The following GAS6 variants were observed in gnomAD, a reference collection of about 807,000 sequenced individuals.
GAS6 encodes the protein growth arrest specific 6.
GAS6 carries 41 observed loss-of-function variants against 75.8 expected under a neutral mutation model. The observed-to-expected ratio is 0.54, with a 90% confidence interval of 0.42 to 0.70. The LOEUF is 0.70. Among genes scored for constraint, GAS6 ranks in the 30% least tolerant of loss-of-function variants. GAS6 has a pLI of 0.00. For missense variants in GAS6, 854 were observed against 940.2 expected, an observed-to-expected ratio of 0.91 and a Z score of 1.20; for synonymous variants, 432 against 412.6, an observed-to-expected ratio of 1.05 and a Z score of -0.57.
At chr13:113,847,316 G>A (rs2051842161) in intron 3 of GAS6, among the ~76,000 whole-genome samples, 1 of 152,260 alleles carries the variant, frequency 6.6e-6, no homozygotes, top group African/African-American at 2.4e-5. Flanking sequence ...TCCAGATATG[G>A]ACCCAGGGAA....
At chr13:113,835,052 G>A (rs1187640970) in intron 7 of GAS6, among the ~76,000 whole-genome samples, 1 of 152,246 alleles carries the variant, frequency 6.6e-6, no homozygotes, top group Non-Finnish European at 1.5e-5. Flanking sequence ...ATGGAGGTCA[G>A]TGCAGGCAGC....
chr13:113,827,087 C>T lies in GAS6; in HGVS notation c.1386G>A (p.Val462=), dbSNP rs1340217747. Residue 462 remains valine (V), a synonymous_variant, in exon 12 of 15, where the codon GTG becomes GTA. Coordinates refer to ENST00000327773, the MANE Select transcript of GAS6 (RefSeq NM_000820.4). ...NGEDTTIQET[V]KVNTRMQCFS... is the part of the protein sequence containing the mutation. The stretch of plus-strand genomic sequence containing the variant: ...AGCACTGCATCCTCGTGTTCACTTT[C>T]ACCGTTTCCTGGATGGTGGTGTCTT... The T allele has an allele frequency of 1.9e-6, 3 of 1,613,536 alleles. No homozygotes were observed. Among genetic ancestry groups the T allele is most frequent in the Non-Finnish European group, 2.5e-6 (3 of 1,179,984 alleles).
intron 2 of GAS6, among the ~76,000 whole-genome samples, chr13:113,858,878 T>A (rs776683576): frequency 2.7e-5 from 4 of 149,392 alleles, no homozygotes; most frequent in Non-Finnish European, 5.9e-5. Flanking sequence ...TGTACATGAC[T>A]ATGTAAGTCT....
intron 8 of GAS6, chr13:113,833,240 G>A: frequency 1.9e-6 from 2 of 1,058,632 alleles, no homozygotes; most frequent in Non-Finnish European, 2.3e-6. Context: ...AGCCAGGCCT[G>A]CCCTGCCCAC....
chr13:113,826,389 TCGCAGGCACC>T (rs2051539377), intron 12 of GAS6, among the ~76,000 whole-genome samples: 8 of 147,746 alleles, frequency 5.4e-5, no homozygotes, highest in Admixed American at 2.7e-4. Flanking sequence ...CTCCCCGGCC[TCGCAGGCACC>T]TTCTCTCCCC....
intron 12 of GAS6, among the ~76,000 whole-genome samples, chr13:113,824,941 G>A (rs2051515324): frequency 1.3e-5 from 2 of 152,196 alleles, no homozygotes; most frequent in Non-Finnish European, 1.5e-5. Context: ...GCTCCCAGTC[G>A]GGCGTGGTGG....
At position 113,838,135 on chromosome 13, in the gene GAS6, G is replaced by C. The variant is rs1200610275; in HGVS notation, c.523C>G (p.Pro175Ala). 2 of 1,612,886 alleles carry C rather than the reference G, an allele frequency of 1.2e-6. No individual in the cohort carries two copies. Among genetic ancestry groups the C allele is most frequent in the South Asian group, 2.2e-5 (2 of 91,090 alleles). ...GGCLQICHNK[P>A]GSFHCSCHSG... is the part of the protein sequence containing the mutation. ...TGGCAGGAACAGTGGAAGCTACCCG[G>C]CTTGTTGTGGCAGATCTGGAGGCAG... is the stretch of plus-strand genomic sequence containing the variant. Residue 175 changes from proline to alanine, a missense_variant, in exon 6 of 15, where the codon CCG becomes GCG. Transcript: ENST00000327773.
In GAS6 at chr13:113,820,942, C is replaced by G. The variant is rs1428910638; in HGVS notation, c.1959G>C (p.Leu653=). ...CMTLEVNRRL[L]DLDEAAYKHS... The stretch of plus-strand genomic sequence containing the variant: ...GCTTGTACGCCGCCTCGTCCAGGTC[C>G]AGCAGCCTCCGGTTGACCTCCAGTG... Residue 653 remains leucine (L), a synonymous_variant, in exon 15 of 15, where the codon CTG becomes CTC. Transcript: ENST00000327773. 2 of 1,612,692 alleles carry G rather than the reference C, an allele frequency of 1.2e-6. No individual in the cohort carries two copies. Among genetic ancestry groups the G allele is most frequent in the South Asian group, 2.2e-5 (2 of 91,080 alleles).
intron 2 of GAS6, among the ~76,000 whole-genome samples, chr13:113,861,818 GGTT>G (rs1383425201): frequency 1.4e-4 from 21 of 152,296 alleles, no homozygotes; most frequent in Admixed American, 1.4e-3. Flanking sequence ...AGGGAAAGCG[GGTT>G]GTTATCATTT....
Position 113,843,108 on chromosome 13 carries a change from C to A in GAS6, c.344-3258G>T, listed in dbSNP as rs143235270. 5 of 356,638 alleles carry A rather than the reference C, an allele frequency of 1.4e-5. 1 individual carries two copies. The highest frequency in any genetic ancestry group is 1.1e-4 in the African/African-American group (5 of 45,862). The allele number at this position is 356,638 out of a possible 1,614,324, so 22.1% of individuals were successfully genotyped here. A position where few individuals can be genotyped will look rare whatever the true frequency, so the allele number is the denominator to read the frequency against. ...AATTTCCTCCACACAACAGGGAAAG[C>A]GATGGAGACAGAAACCTCTGCAGGC... On this transcript the variant is annotated intron_variant, in intron 4 of 14. Transcript: ENST00000327773.
At chr13:113,859,543 T>C (rs2051953748) in intron 2 of GAS6, among the ~76,000 whole-genome samples, 1 of 151,978 alleles carries the variant, frequency 6.6e-6, no homozygotes, top group Non-Finnish European at 1.5e-5. Flanking sequence ...TGTCTGTCAG[T>C]GTGTGTGTGT....
At chr13:113,851,256 T>C (rs1462963156) in intron 2 of GAS6, among the ~76,000 whole-genome samples, 3 of 149,664 alleles carry the variant, frequency 2.0e-5, no homozygotes, top group Non-Finnish European at 3.0e-5. Context: ...AATGAGTGAA[T>C]AGATGGATGA....
chr13:113,861,788 T>C (rs1453622846), intron 2 of GAS6, among the ~76,000 whole-genome samples: 2 of 152,270 alleles, frequency 1.3e-5, no homozygotes, highest in African/African-American at 4.8e-5. Flanking sequence ...AGCAAGCTAA[T>C]GGCCAGATCC....
In GAS6 at chr13:113,837,543, TCA is replaced by T. The variant is rs2051730193; in HGVS notation, c.589+524_589+525del. 6.6e-6 allele frequency among the ~76,000 whole-genome samples: 1 copy of T among 152,100 alleles called. No homozygotes were observed. Among genetic ancestry groups the T allele is most frequent in the Admixed American group, 6.5e-5 (1 of 15,278 alleles). On this transcript the variant is annotated intron_variant, in intron 6 of 14. Transcript: ENST00000327773. This position sits in a 1 kb window ranked among gnomAD's most constrained non-coding sequence, Gnocchi z 5.1. ...GGAACAGCGTCGGGGGCGCGCACAT[TCA>T]CAGTGACTTTCTGGGGTGTCCTGGG... is the stretch of plus-strand genomic sequence containing the variant.
chr13:113,861,695 A>ACCCTGC (rs879383479), intron 2 of GAS6, among the ~76,000 whole-genome samples: 14 of 152,002 alleles, frequency 9.2e-5, no homozygotes, highest in South Asian at 2.1e-4. Context: ...CAGCCTCTGG[A>ACCCTGC]CCCTGCCCCT....
intron 2 of GAS6, among the ~76,000 whole-genome samples, chr13:113,854,519 C>T (rs930504612): frequency 5.9e-5 from 9 of 152,256 alleles, no homozygotes; most frequent in African/African-American, 1.9e-4. Flanking sequence ...CTGCCCCAAA[C>T]ACAGAGCATG....
chr13:113,822,960 C>T (rs1352054582), intron 13 of GAS6: 2 of 161,946 alleles, frequency 1.2e-5, no homozygotes, highest in Non-Finnish European at 2.7e-5. Context: ...ACCCGGTGTC[C>T]CCCACGGAAA....
At chr13:113,854,915 G>A (rs1294026630) in intron 2 of GAS6, among the ~76,000 whole-genome samples, 1 of 152,244 alleles carries the variant, frequency 6.6e-6, no homozygotes, top group Non-Finnish European at 1.5e-5. Context: ...GTCTGTGGGG[G>A]AGCAGAGGGC....
chr13:113,821,661 G>A (rs529194348), intron 14 of GAS6: 19 of 411,388 alleles, frequency 4.6e-5, no homozygotes, highest in Middle Eastern at 6.3e-4. Context: ...CCTCTCCCCC[G>A]GGGCTGGTCT....
Sources: allele counts gnomAD v4.1 joint callset (sites outside exome capture counted in the v4.1 genomes callset), GRCh38; gene constraint gnomAD v4.1.1; non-coding constraint Gnocchi (gnomAD v3.1); transcripts MANE v1.5; gene names NCBI Gene and HGNC (gene_info 2026-07-23, HGNC 2026-07-21).